RPS6KA5: variants seen among roughly 807,000 people sequenced by gnomAD.
RPS6KA5 encodes ribosomal protein S6 kinase A5.
RPS6KA5 carries 27 observed loss-of-function variants against 85.5 expected under a neutral mutation model. The observed-to-expected ratio is 0.32, with a 90% CI of 0.23 to 0.44. RPS6KA5 has a LOEUF of 0.44. RPS6KA5 is among the 20% of genes least tolerant of loss of function. The probability of loss-of-function intolerance (pLI) is 1.00; values close to 1 mark genes in which losing one functional copy is unlikely to be tolerated. For synonymous variants in RPS6KA5, 334 were observed against 348.2 expected, an observed-to-expected ratio of 0.96 and a Z score of 0.46; for missense variants, 811 against 980.9, an observed-to-expected ratio of 0.83 and a Z score of 2.31.
At chr14:91,020,304 T>A (rs998277583) in intron 1 of RPS6KA5, among the ~76,000 whole-genome samples, 3 of 151,784 alleles carry the variant, frequency 2.0e-5, no homozygotes, top group Non-Finnish European at 2.9e-5. Flanking sequence ...AAAAAAGTGA[T>A]GAAACATAAT....
chr14:90,988,927 G>A (rs571238347), intron 2 of RPS6KA5, among the ~76,000 whole-genome samples: 94 of 152,242 alleles, frequency 6.2e-4, no homozygotes, highest in African/African-American at 2.1e-3. Flanking sequence ...ATTGCAATTA[G>A]CAACATCTCA....
At chr14:90,955,660 T>A (rs2038464772) in intron 3 of RPS6KA5, among the ~76,000 whole-genome samples, 1 of 152,032 alleles carries the variant, frequency 6.6e-6, no homozygotes, top group Non-Finnish European at 1.5e-5. Flanking sequence ...AAAAATGGGC[T>A]GGCATATGAT....
At chr14:90,978,248 A>G (rs2140479066) in intron 3 of RPS6KA5, 58 bp downstream of exon 3, 3 of 1,299,978 alleles carry the variant, frequency 2.3e-6, no homozygotes, top group East Asian at 4.7e-5. Context: ...AGTACATTAT[A>G]ACTTAAGACC....
At chr14:90,949,583 C>T (rs2038063842) in intron 3 of RPS6KA5, among the ~76,000 whole-genome samples, 8 of 152,148 alleles carry the variant, frequency 5.3e-5, no homozygotes, top group Admixed American at 5.2e-4. Flanking sequence ...CACTCTGAAA[C>T]TTAAGAGGCC....
chr14:90,976,764 T>A (rs2039588015), intron 3 of RPS6KA5, among the ~76,000 whole-genome samples: 1 of 151,658 alleles, frequency 6.6e-6, no homozygotes, highest in South Asian at 2.1e-4. Flanking sequence ...GAGAAGAGAG[T>A]GTGTCCTACA....
intron 1 of RPS6KA5, among the ~76,000 whole-genome samples, chr14:91,044,975 G>A (rs2042812323): frequency 6.6e-6 from 1 of 151,880 alleles, no homozygotes; most frequent in African/African-American, 2.4e-5. Context: ...AACAAATACA[G>A]GAACTGAATT....
intron 1 of RPS6KA5, among the ~76,000 whole-genome samples, chr14:91,013,076 G>A (rs1362767004): frequency 6.6e-6 from 1 of 152,160 alleles, no homozygotes; most frequent in African/African-American, 2.4e-5. Context: ...TGAGCTTGAT[G>A]TCAAGGCAAT....
At chr14:90,952,732 A>G (rs1358789661) in intron 3 of RPS6KA5, among the ~76,000 whole-genome samples, 3 of 152,266 alleles carry the variant, frequency 2.0e-5, no homozygotes, top group African/African-American at 4.8e-5. Flanking sequence ...GTATCACACC[A>G]TATTCCTACA....
chr14:91,012,662 G>A lies in RPS6KA5; in HGVS notation c.104-11503C>T, dbSNP rs527607546. 4.6e-5 allele frequency among the ~76,000 whole-genome samples: 7 copies of A among 152,250 alleles called. No homozygotes were observed. In the East Asian group the frequency reaches 1.2e-3, roughly 25 times the overall value. On this transcript the variant is annotated intron_variant, in intron 1 of 16. Transcript: ENST00000614987. ...CTCTTAGAGCTACTTGGTCACCAACGCTTTTATGCACTGCAATAATCCAGT... is the reference window on the plus strand; with the variant it reads ...CTCTTAGAGCTACTTGGTCACCAACACTTTTATGCACTGCAATAATCCAGT...
chr14:91,039,391 C>A (rs528584220), intron 1 of RPS6KA5, among the ~76,000 whole-genome samples: 1 of 152,074 alleles, frequency 6.6e-6, no homozygotes, highest in Admixed American at 6.5e-5. Context: ...AGAGTGAAAT[C>A]GAGAATAAAG....
chr14:90,867,809 A>G lies in RPS6KA5; in HGVS notation c.*4265T>C, dbSNP rs956215475. ...TAGTTTCTTATTCCTTTTCACCCTA[A>G]TAGTAGGAAAATATTAGGCACCTAC... is the stretch of plus-strand genomic sequence containing the variant. On this transcript the variant is annotated 3_prime_UTR_variant, in exon 17 of 17. Transcript: ENST00000614987. 6.6e-6 allele frequency: 1 copy of G among 152,230 alleles called. No homozygotes were observed. The highest frequency in any genetic ancestry group is 1.5e-5 in the Non-Finnish European group (1 of 68,024). 9.4% of individuals were successfully genotyped at this position (152,230 alleles called of 1,614,324 possible). A position where few individuals can be genotyped will look rare whatever the true frequency, so the allele number is the denominator to read the frequency against.
At chr14:91,035,278 A>C (rs2042352040) in intron 1 of RPS6KA5, among the ~76,000 whole-genome samples, 1 of 152,166 alleles carries the variant, frequency 6.6e-6, no homozygotes, top group Non-Finnish European at 1.5e-5. Context: ...ACTAGGAGAC[A>C]GAGTATTACA....
intron 1 of RPS6KA5, among the ~76,000 whole-genome samples, chr14:91,040,397 A>G (rs1021839064): frequency 6.6e-6 from 1 of 152,204 alleles, no homozygotes; most frequent in Non-Finnish European, 1.5e-5. Context: ...AACAAGAGCG[A>G]AAGTCCGCCT....
chr14:91,025,976 C>T (rs1422874987), intron 1 of RPS6KA5, among the ~76,000 whole-genome samples: 1 of 151,832 alleles, frequency 6.6e-6, no homozygotes. Context: ...GGTAGTTTTT[C>T]AGCCTTTTCC....
At chr14:90,966,055 ATTGAACTGGTTAT>A (rs1200710962) in intron 3 of RPS6KA5, among the ~76,000 whole-genome samples, 1 of 152,178 alleles carries the variant, frequency 6.6e-6, no homozygotes, top group African/African-American at 2.4e-5. Flanking sequence ...TTGGCATGGT[ATTGAACTGGTTAT>A]CAATACTGGT....
intron 5 of RPS6KA5, among the ~76,000 whole-genome samples, chr14:90,931,565 C>T (rs535116498): frequency 4.2e-4 from 62 of 148,308 alleles, no homozygotes; most frequent in African/African-American, 1.3e-3. Context: ...AAAAATAAGC[C>T]GTAAAAGAAA....
At chr14:90,966,785 G>A (rs1467321892) in intron 3 of RPS6KA5, among the ~76,000 whole-genome samples, 3 of 152,164 alleles carry the variant, frequency 2.0e-5, no homozygotes, top group Non-Finnish European at 2.9e-5. Context: ...ACTAACTGCC[G>A]TAGCCACATA....
chr14:90,934,717 A>G (rs1357850188), intron 5 of RPS6KA5, among the ~76,000 whole-genome samples: 1 of 152,186 alleles, frequency 6.6e-6, no homozygotes, highest in Non-Finnish European at 1.5e-5. Flanking sequence ...TGCCATAAGA[A>G]TAATTATAAA....
In RPS6KA5 at chr14:90,861,944, T is replaced by G. The variant is rs560985768; in HGVS notation, c.*10130A>C. 1 of 150,464 alleles carries G rather than the reference T, an allele frequency of 6.6e-6. No homozygotes were observed. Among genetic ancestry groups the G allele is most frequent in the African/African-American group, 2.4e-5 (1 of 40,896 alleles). 9.3% of individuals were successfully genotyped at this position (150,464 alleles called of 1,614,324 possible). A position where few individuals can be genotyped will look rare whatever the true frequency, so the allele number is the denominator to read the frequency against. On this transcript the variant is annotated 3_prime_UTR_variant, in exon 17 of 17. Transcript: ENST00000614987. Reference sequence around the variant, plus strand: ...CAGATTTAAACTGTCATAAAATTCCTGCATTGTTGGGAAGTGGTAATGTAC... The same window carrying G: ...CAGATTTAAACTGTCATAAAATTCCGGCATTGTTGGGAAGTGGTAATGTAC...
Sources: gnomAD v4.1 joint callset for allele counts (sites outside exome capture counted in the v4.1 genomes callset) on GRCh38, gnomAD v4.1.1 for gene constraint, MANE v1.5 for transcripts, NCBI Gene and HGNC (gene_info 2026-07-23, HGNC 2026-07-21) for gene names.